Variants in NR3C1 observed in about 807,000 individuals in gnomAD.
NR3C1 encodes glucocorticoid receptor.
A neutral mutation model predicts 74.0 loss-of-function variants in NR3C1; 14 were observed. The ratio of observed to expected loss-of-function variants is 0.19; its 90% CI spans 0.12 to 0.30. The LOEUF is 0.30. Ranked by LOEUF, NR3C1 falls within the 10% of genes least tolerant of loss-of-function variation. NR3C1 has a pLI of 1.00. For missense variants in NR3C1, 695 were observed against 909.8 expected (o/e 0.76, Z 3.04); for synonymous variants, 308 against 332.5 (o/e 0.93, Z 0.80).
intron 2 of NR3C1, among the ~76,000 whole-genome samples, chr5:143,340,188 A>G (rs1052508043): frequency 6.6e-6 from 1 of 152,206 alleles, no homozygotes; most frequent in African/African-American, 2.4e-5. Flanking sequence ...GGAACTAAAG[A>G]TCTGAAAATA....
chr5:143,410,746 CT>C (rs2151954970), intron 1 of NR3C1, among the ~76,000 whole-genome samples: 1 of 152,234 alleles, frequency 6.6e-6, no homozygotes, highest in South Asian at 2.1e-4. Flanking sequence ...CTTAGAGGAG[CT>C]TATGGAATTT....
chr5:143,432,437 A>G (rs1260262839), intron 1 of NR3C1, among the ~76,000 whole-genome samples: 1 of 152,194 alleles, frequency 6.6e-6, no homozygotes, highest in Non-Finnish European at 1.5e-5. Flanking sequence ...TCTTTGTGGA[A>G]ACATCAGAGC....
chr5:143,327,518 G>A (rs1440323942), intron 2 of NR3C1, among the ~76,000 whole-genome samples: 1 of 152,158 alleles, frequency 6.6e-6, no homozygotes, highest in East Asian at 1.9e-4. Flanking sequence ...TAACTCAAAA[G>A]TCCAAGACCA....
At chr5:143,414,338 G>T (rs1487020514) in intron 1 of NR3C1, among the ~76,000 whole-genome samples, 2 of 152,134 alleles carry the variant, frequency 1.3e-5, no homozygotes, top group African/African-American at 4.8e-5. Flanking sequence ...TGCTCCTTCT[G>T]TCTTGACAAG....
chr5:143,409,036 C>G (rs1329847077), intron 1 of NR3C1: 1 of 152,104 alleles, frequency 6.6e-6, no homozygotes, highest in African/African-American at 2.4e-5. Context: ...CAGTAATAAG[C>G]AACAAATGGC....
intron 2 of NR3C1, among the ~76,000 whole-genome samples, chr5:143,381,969 A>G (rs1172720667): frequency 6.6e-6 from 1 of 152,156 alleles, no homozygotes; most frequent in East Asian, 1.9e-4. Flanking sequence ...CAACGGAAAC[A>G]ACAAAGAAGC....
chr5:143,423,233 T>C (rs1751329961), intron 1 of NR3C1, among the ~76,000 whole-genome samples: 2 of 152,156 alleles, frequency 1.3e-5, no homozygotes, highest in African/African-American at 4.8e-5. Context: ...AAGCTACCTA[T>C]CTGATAAGGG....
intron 2 of NR3C1, among the ~76,000 whole-genome samples, chr5:143,322,544 C>T (rs1823606947): frequency 6.6e-6 from 1 of 152,116 alleles, no homozygotes; most frequent in Non-Finnish European, 1.5e-5. Flanking sequence ...AAACATTTGT[C>T]TTAAAACTGT....
At chr5:143,428,833 T>G (rs1751668505) in intron 1 of NR3C1, among the ~76,000 whole-genome samples, 1 of 152,176 alleles carries the variant, frequency 6.6e-6, no homozygotes, top group Non-Finnish European at 1.5e-5. Context: ...AAATCCCCAC[T>G]GTTTTCGCCA....
chr5:143,328,889 C>G (rs1825254032), intron 2 of NR3C1, among the ~76,000 whole-genome samples: 1 of 152,214 alleles, frequency 6.6e-6, no homozygotes, highest in South Asian at 2.1e-4. Context: ...CAAAAGTATT[C>G]AAAACAAGTC....
chr5:143,400,890 T>A, intron 1 of NR3C1, 38 bp from the exon 2 acceptor site: 1 of 1,481,418 alleles, frequency 6.8e-7, no homozygotes. Context: ...GAAAACATCA[T>A]AAGCTCTAAA....
rs200463909 is a variant in NR3C1, at chr5:143,410,462, G to GA, written c.-13-9611dup. Among the ~76,000 whole-genome samples the GA allele has an allele frequency of 4.0e-5, 6 of 150,846 alleles. No homozygotes were observed. The East Asian group carries it at 1.2e-3, about 29-fold the overall frequency. ...GCTACAAAGGACATTTGTCACCATT[G>GA]AAAAAAAAATTGTTTTGAGATCAGT... is the stretch of plus-strand genomic sequence containing the variant. On this transcript the variant is annotated intron_variant, in intron 1 of 8. Transcript: ENST00000343796.
At chr5:143,402,718 CCCT>C (rs1392182266) in intron 1 of NR3C1, 5 of 985,300 alleles carry the variant, frequency 5.1e-6, no homozygotes, top group African/African-American at 3.5e-5. Flanking sequence ...GCCCCGCACG[CCCT>C]CCTCAAGCCA....
chr5:143,369,283 G>A (rs1267677254), intron 2 of NR3C1, among the ~76,000 whole-genome samples: 3 of 152,164 alleles, frequency 2.0e-5, no homozygotes, highest in African/African-American at 7.2e-5. Context: ...AAAAATGTTT[G>A]GCAGTTCCTC....
intron 2 of NR3C1, among the ~76,000 whole-genome samples, chr5:143,395,288 A>G (rs1247798305): frequency 1.3e-5 from 2 of 152,016 alleles, no homozygotes; most frequent in Non-Finnish European, 2.9e-5. Context: ...CCAGAAGAAA[A>G]TAAGAGCAGT....
chr5:143,320,021 A>G (rs150581218), intron 2 of NR3C1, among the ~76,000 whole-genome samples: 7 of 152,254 alleles, frequency 4.6e-5, no homozygotes, highest in Non-Finnish European at 1.0e-4. Context: ...CTAGCACTAA[A>G]AGGTAGTTTT....
chr5:143,280,398 T>A lies in NR3C1; in HGVS notation c.*1491A>T, dbSNP rs988422959. 2 of 152,620 alleles carry A rather than the reference T, an allele frequency of 1.3e-5. No homozygotes were observed. The highest frequency in any genetic ancestry group is 2.1e-4 in the South Asian group (1 of 4,832). 9.5% of individuals were successfully genotyped at this position (152,620 alleles called of 1,614,324 possible). On this transcript the variant is annotated 3_prime_UTR_variant, in exon 9 of 9. Transcript: ENST00000394464. ...ATTAGAAGTTCCATATTTTTAATAT[T>A]AGATTTTCAGTTTTCTATTACACAA... is the stretch of plus-strand genomic sequence containing the variant.
Position 143,280,905 on chromosome 5 carries a change from G to T in NR3C1, c.*984C>A, listed in dbSNP as rs796144066. 1 of 152,150 alleles carries T rather than the reference G, an allele frequency of 6.6e-6. No individual in the cohort carries two copies. Among genetic ancestry groups the T allele is most frequent in the African/African-American group, 2.4e-5 (1 of 41,450 alleles). 9.4% of individuals were successfully genotyped at this position (152,150 alleles called of 1,614,324 possible). A position where few individuals can be genotyped will look rare whatever the true frequency, so the allele number is the denominator to read the frequency against. On this transcript the variant is annotated 3_prime_UTR_variant, in exon 9 of 9. Coordinates refer to ENST00000394464, the MANE Select transcript of NR3C1 (RefSeq NM_000176.3). ...TTCAAAAGGTCCTGAAAGACAAATA[G>T]TTTACCAGCTTTCTTGCCATATAGC...
chr5:143,399,300 G>A (rs1839812252), intron 2 of NR3C1, among the ~76,000 whole-genome samples: 1 of 152,122 alleles, frequency 6.6e-6, no homozygotes, highest in South Asian at 2.1e-4. Context: ...TAAAACAGCT[G>A]AATGACCATG....
Sources: gnomAD v4.1 joint callset for allele counts (sites outside exome capture counted in the v4.1 genomes callset) on GRCh38, gnomAD v4.1.1 for gene constraint, MANE v1.5 for transcripts, NCBI Gene and HGNC (gene_info 2026-07-23, HGNC 2026-07-21) for gene names.